VIPR2: variants seen among roughly 807,000 people sequenced by gnomAD.
The protein encoded by VIPR2 is vasoactive intestinal polypeptide receptor 2.
VIPR2 carries 48 observed loss-of-function variants against 58.0 expected under a neutral mutation model. The ratio of observed to expected loss-of-function variants is 0.83; its 90% confidence interval spans 0.66 to 1.05. The LOEUF is 1.05. Among genes scored for constraint, VIPR2 ranks in the 50% least tolerant of loss-of-function variants. The probability of loss-of-function intolerance (pLI) is 0.00; values close to 1 mark genes in which losing one functional copy is unlikely to be tolerated. For synonymous variants in VIPR2, 243 were observed against 235.2 expected (o/e 1.03, Z -0.30); for missense variants, 534 against 558.0 (o/e 0.96, Z 0.43).
At chr7:159,101,921 A>G (rs13308515) in intron 4 of VIPR2, among the ~76,000 whole-genome samples, 1,513 of 64,798 alleles carry the variant, frequency 0.023, 5 homozygotes, top group Non-Finnish European at 0.026. Flanking sequence ...AGGCGGTTCC[A>G]ACTGTTCCTG....
chr7:159,066,036 C>G (rs922726289), intron 4 of VIPR2, among the ~76,000 whole-genome samples: 15 of 152,272 alleles, frequency 9.9e-5, no homozygotes, highest in African/African-American at 3.4e-4. Flanking sequence ...CCGCACTGTC[C>G]ATGGGATTCC....
rs986928552 is a variant in VIPR2 at position 159,093,494 on chromosome 7, A to AT, written c.357+10262dup. Among the ~76,000 whole-genome samples, 2 of 152,010 alleles carry AT rather than the reference A, an allele frequency of 1.3e-5. No homozygotes were observed. Among genetic ancestry groups the AT allele is most frequent in the African/African-American group, 4.8e-5 (2 of 41,378 alleles). On this transcript the variant is annotated intron_variant, in intron 4 of 12. Coordinates refer to ENST00000262178, the MANE Select transcript of VIPR2 (RefSeq NM_003382.5). This position sits in a 1 kb window ranked among gnomAD's most constrained non-coding sequence, Gnocchi z 6.7. ...AGCCTCTCCAACTCACTCAGGGGAG[A>AT]TTTTTAAAAATAGTCTTATTTCTCA...
At position 159,093,774 on chromosome 7, in the gene VIPR2, A is replaced by G. The variant is rs955616084; in HGVS notation, c.357+9983T>C. 1.4e-5 allele frequency among the ~76,000 whole-genome samples: 2 copies of G among 148,010 alleles called. No individual in the cohort carries two copies. Among genetic ancestry groups the G allele is most frequent in the African/African-American group, 2.5e-5 (1 of 40,710 alleles). ...TGGGTCCGGAGATGGGAGACCCCGCAGCGTCCCTGGGTCCGGACAGGGGAG... is the reference window on the plus strand; with the variant it reads ...TGGGTCCGGAGATGGGAGACCCCGCGGCGTCCCTGGGTCCGGACAGGGGAG... On this transcript the variant is annotated intron_variant, in intron 4 of 12. Coordinates refer to ENST00000262178, the MANE Select transcript of VIPR2 (RefSeq NM_003382.5). The surrounding 1 kb of genome is among the most constrained non-coding windows in gnomAD (Gnocchi z 6.7).
chr7:159,142,479 C>A lies in VIPR2; in HGVS notation c.118G>T (p.Glu40Ter). 6.2e-7 allele frequency: 1 copy of A among 1,614,060 alleles called. No individual in the cohort carries two copies. The highest frequency in any genetic ancestry group is 1.1e-5 in the South Asian group (1 of 91,056). Residue 40 changes from glutamate to a stop codon, truncating the protein, a stop_gained, in exon 2 of 13, where the codon GAG (glutamate) becomes TAG (stop). Coordinates refer to ENST00000262178, the MANE Select transcript of VIPR2 (RefSeq NM_003382.5). LOFTEE classifies it high-confidence loss of function. ...EIQEEETKCA[E>*]LLRSQTEKHK... Reference sequence around the variant, plus strand: ...TTTTCTGTTTGAGACCTCAGAAGCTCTGCACATTTTGTTTCTTCCTCCTGT... The same window carrying A: ...TTTTCTGTTTGAGACCTCAGAAGCTATGCACATTTTGTTTCTTCCTCCTGT...
rs185078060 is a variant in VIPR2, at chr7:159,093,853, G to C, written c.357+9904C>G. 2.7e-3 allele frequency among the ~76,000 whole-genome samples: 410 copies of C among 152,278 alleles called. 1 individual carries two copies. The highest frequency in any genetic ancestry group is 9.5e-3 in the African/African-American group (395 of 41,564). On this transcript the variant is annotated intron_variant, in intron 4 of 12. Coordinates refer to ENST00000262178, the MANE Select transcript of VIPR2 (RefSeq NM_003382.5). The surrounding 1 kb of genome is among the most constrained non-coding windows in gnomAD (Gnocchi z 6.7). ...ATGGGAGAGGCCCCGCAGTGTCCCT[G>C]AGTCTCCTGGACAGCGGCCACCCCA... is the stretch of plus-strand genomic sequence containing the variant.
Position 159,031,157 on chromosome 7 carries a change from G to A in VIPR2, c.1144-368C>T, listed in dbSNP as rs948584925. Among the ~76,000 whole-genome samples the A allele has an allele frequency of 1.2e-4, 19 of 152,336 alleles. No individual in the cohort carries two copies. The highest frequency in any genetic ancestry group is 2.2e-4 in the Non-Finnish European group (15 of 68,032). Reference sequence around the variant, plus strand: ...CCGTCTCCTTCCCTGTTCCCAGCGGGCAGGGAATGTTAGCCCTGGGAGGGG... The same window carrying A: ...CCGTCTCCTTCCCTGTTCCCAGCGGACAGGGAATGTTAGCCCTGGGAGGGG... On this transcript the variant is annotated intron_variant, in intron 12 of 12. Coordinates refer to ENST00000262178, the MANE Select transcript of VIPR2 (RefSeq NM_003382.5). This position sits in a 1 kb window ranked among gnomAD's most constrained non-coding sequence, Gnocchi z 4.0.
chr7:159,088,253 G>T (rs918507375), intron 4 of VIPR2, among the ~76,000 whole-genome samples: 1 of 152,214 alleles, frequency 6.6e-6, no homozygotes, highest in Admixed American at 6.5e-5. Context: ...CCACACACAT[G>T]CTGCAGCACA....
chr7:159,129,879 C>G (rs1796821966), intron 2 of VIPR2, among the ~76,000 whole-genome samples: 1 of 91,876 alleles, frequency 1.1e-5, no homozygotes. Context: ...ACACTCTGTT[C>G]CCTCAAACTG....
At chr7:159,039,821 T>G (rs1447254339) in intron 6 of VIPR2, among the ~76,000 whole-genome samples, 1 of 152,026 alleles carries the variant, frequency 6.6e-6, no homozygotes, top group Non-Finnish European at 1.5e-5. Context: ...CTGACAGAAA[T>G]AAGAACACCA....
In VIPR2 at chr7:159,030,274, C is replaced by G. The variant is rs554825826; in HGVS notation, c.*342G>C. On this transcript the variant is annotated 3_prime_UTR_variant, in exon 13 of 13. Coordinates refer to ENST00000262178, the MANE Select transcript of VIPR2 (RefSeq NM_003382.5). ...AGGAGAATGGCGTGAACCCGGGAGG[C>G]GGAGCTTGCAGGGAGCAGAGATCAG... 246 of 231,798 alleles carry G rather than the reference C, an allele frequency of 1.1e-3. 2 individuals carry two copies. Among genetic ancestry groups the G allele is most frequent in the Admixed American group, 1.8e-3 (27 of 14,794 alleles). The allele number at this position is 231,798 out of a possible 1,614,324, so 14.4% of individuals were successfully genotyped here. A position where few individuals can be genotyped will look rare whatever the true frequency, so the allele number is the denominator to read the frequency against.
chr7:159,040,342 G>A (rs111372335), intron 6 of VIPR2, among the ~76,000 whole-genome samples: 103 of 152,346 alleles, frequency 6.8e-4, no homozygotes, highest in African/African-American at 2.3e-3. Flanking sequence ...TGGCCTTGTC[G>A]GGGAGCCTCT....
At chr7:159,081,450 C>A (rs1039526946) in intron 4 of VIPR2, among the ~76,000 whole-genome samples, 2 of 152,176 alleles carry the variant, frequency 1.3e-5, no homozygotes, top group Non-Finnish European at 2.9e-5. Context: ...TTCCTTACAT[C>A]TTATACAAAA....
At position 159,083,495 on chromosome 7, in the gene VIPR2, T is replaced by C. The variant is rs960384149; in HGVS notation, c.357+20262A>G. ...CCTTCCAGCTCCACCTTTCCATAAA[T>C]ATCTGCCCTGGAGTGACCATAGCAG... On this transcript the variant is annotated intron_variant, in intron 4 of 12. Transcript: ENST00000262178. 3.7e-4 allele frequency among the ~76,000 whole-genome samples: 56 copies of C among 152,192 alleles called. 2 individuals are homozygous for C. Among genetic ancestry groups the C allele is most frequent in the Non-Finnish European group, 1.5e-4 (10 of 68,032 alleles).
chr7:159,144,523 C>G, intron 1 of VIPR2, 198 bp downstream of exon 1: 2 of 1,519,638 alleles, frequency 1.3e-6, no homozygotes, highest in Non-Finnish European at 1.8e-6. Flanking sequence ...AGTCCCGCAA[C>G]CCGGCGGGAC....
intron 8 of VIPR2, among the ~76,000 whole-genome samples, chr7:159,034,949 T>C (rs1278083222): frequency 6.6e-6 from 1 of 152,126 alleles, no homozygotes; most frequent in Non-Finnish European, 1.5e-5. Flanking sequence ...GTCAGCCCCA[T>C]TCAGCTGAAA....
At chr7:159,038,189 C>G (rs971570268) in intron 6 of VIPR2, among the ~76,000 whole-genome samples, 9 of 152,042 alleles carry the variant, frequency 5.9e-5, no homozygotes, top group African/African-American at 2.2e-4. Flanking sequence ...CTGGCCTCCC[C>G]TGAGCCCTGC....
In VIPR2 at chr7:159,036,835, A is replaced by G; in HGVS notation, c.665T>C (p.Val222Ala). 1 of 1,614,012 alleles carries G rather than the reference A, an allele frequency of 6.2e-7. No individual in the cohort carries two copies. Among genetic ancestry groups the G allele is most frequent in the Non-Finnish European group, 8.5e-7 (1 of 1,179,988 alleles). The change falls in exon 7 of 13, where the codon GTG becomes GCG. Residue 222 changes from valine to alanine, a missense_variant. This residue lies in a region of VIPR2 where 306 missense variants were observed against 285.8 expected (regional missense o/e 1.07). Coordinates refer to ENST00000262178, the MANE Select transcript of VIPR2 (RefSeq NM_003382.5). ...CIMANFFWLLVEGLYLHTLLV... is the reference protein window; with the variant it reads ...CIMANFFWLLAEGLYLHTLLV... ...GAGGGTGTGGAGGTAGAGCCCCTCCACCAGCAGCCAGAAGAAGTTGGCCAT... is the reference window on the plus strand; with the variant it reads ...GAGGGTGTGGAGGTAGAGCCCCTCCGCCAGCAGCCAGAAGAAGTTGGCCAT...
chr7:159,119,121 G>A (rs1796355695), intron 2 of VIPR2, among the ~76,000 whole-genome samples: 1 of 152,208 alleles, frequency 6.6e-6, no homozygotes. Context: ...GGGTCACCAT[G>A]TAGGGTGGTC....
intron 1 of VIPR2, among the ~76,000 whole-genome samples, chr7:159,142,907 G>T (rs1160195274): frequency 6.6e-6 from 1 of 152,216 alleles, no homozygotes; most frequent in Non-Finnish European, 1.5e-5. Flanking sequence ...GCGGATGCCT[G>T]TGGACTGTGC....
Sources: allele counts gnomAD v4.1 joint callset (sites outside exome capture counted in the v4.1 genomes callset), GRCh38; gene constraint gnomAD v4.1.1; regional missense constraint gnomAD v4.1.1; non-coding constraint Gnocchi (gnomAD v3.1); transcripts MANE v1.5; gene names NCBI Gene and HGNC (gene_info 2026-07-23, HGNC 2026-07-21).